The following CNGA2 variants were observed in gnomAD, a reference collection of about 807,000 sequenced individuals.
CNGA2 encodes the protein cyclic nucleotide gated channel subunit alpha 2.
In CNGA2, 22 loss-of-function variants were observed where a neutral mutation model predicts 35.9. That is an observed-to-expected ratio of 0.61 (90% CI 0.44 to 0.88). The LOEUF (loss-of-function observed/expected upper bound fraction) is 0.88, where lower values mean the gene tolerates loss of function less well. Among genes scored for constraint, CNGA2 ranks in the 40% least tolerant of loss-of-function variants. The pLI is 0.00. For synonymous variants in CNGA2, 217 were observed against 209.2 expected (o/e 1.04, Z -0.32); for missense variants, 555 against 530.8 (o/e 1.05, Z -0.45).
chrX:151,737,427 G>T (rs1197174444), intron 1 of CNGA2, among the ~76,000 whole-genome samples: 2 of 111,649 alleles, frequency 1.8e-5, no homozygotes, highest in Admixed American at 9.4e-5. Flanking sequence ...CCACAACTCT[G>T]CCCCAGACCC....
At position 151,743,382 on chromosome X, in the gene CNGA2, T is replaced by C. The variant is rs1417629514; in HGVS notation, c.879T>C (p.Tyr293=). Residue 293 remains tyrosine (Y), a synonymous_variant, in exon 7 of 7, where the codon TAT becomes TAC. Coordinates refer to ENST00000329903, the MANE Select transcript of CNGA2 (RefSeq NM_005140.3). The part of the protein sequence containing the change: ...LVIIHWNACI[Y]YAISKSIGFG... Reference sequence around the variant, plus strand: ...TCATCCACTGGAATGCCTGCATCTATTATGCCATCTCCAAATCCATAGGCT... The same window carrying C: ...TCATCCACTGGAATGCCTGCATCTACTATGCCATCTCCAAATCCATAGGCT... 3 of 1,206,934 alleles carry C rather than the reference T, an allele frequency of 2.5e-6. No homozygotes were observed. The African/African-American group carries it at 5.3e-5, about 22-fold the overall frequency.
chrX:151,739,526 T>C (rs1186330426), intron 3 of CNGA2, 36 bp from the exon 4 acceptor site: 1 of 1,187,295 alleles, frequency 8.4e-7, no homozygotes, highest in East Asian at 3.0e-5. Context: ...GCATGAGTCT[T>C]GGCTCTGGCT....
At chrX:151,741,626 A>G (rs1443544230) in intron 5 of CNGA2, among the ~76,000 whole-genome samples, 1 of 112,567 alleles carries the variant, frequency 8.9e-6, no homozygotes, top group Non-Finnish European at 1.9e-5. Context: ...GAATGATGCC[A>G]GGGCCTGGTG....
At position 151,744,282 on chromosome X, in the gene CNGA2, G is replaced by A; in HGVS notation, c.1779G>A (p.Met593Ile). Reference sequence around the variant, plus strand: ...ATGAGAACGAAGTGGCAACCAGCATGGAGGTCGACGTGCAGGAGAAGCTAG... The same window carrying A: ...ATGAGAACGAAGTGGCAACCAGCATAGAGGTCGACGTGCAGGAGAAGCTAG... ...LLDENEVATSMEVDVQEKLGQ... is the reference protein window; with the variant it reads ...LLDENEVATSIEVDVQEKLGQ... The change falls in exon 7 of 7, where the codon ATG becomes ATA. Residue 593 changes from methionine (M) to isoleucine (I), a missense_variant. By Grantham distance (10) the Met-to-Ile change is conservative. Transcript: ENST00000329903. 4 of 1,210,857 alleles carry A rather than the reference G, an allele frequency of 3.3e-6. No homozygotes were observed. Among genetic ancestry groups the A allele is most frequent in the Non-Finnish European group, 4.5e-6 (4 of 895,276 alleles).
chrX:151,741,351 C>T (rs1434926427), intron 5 of CNGA2, among the ~76,000 whole-genome samples: 1 of 111,935 alleles, frequency 8.9e-6, no homozygotes, highest in African/African-American at 3.3e-5. Context: ...TTCCCTTTCC[C>T]TTCCATTTTC....
rs746377881 is a variant in CNGA2 at position 151,742,659 on chromosome X, G to T, written c.589+17G>T. On this transcript the variant is annotated intron_variant, in intron 6 of 6. Coordinates refer to ENST00000329903, the MANE Select transcript of CNGA2 (RefSeq NM_005140.3). Reference sequence around the variant, plus strand: ...TGCGCACAGGTCAGTGAGCAACTGGGATGCAGGTAAATCCGAAGGCCTGAG... The same window carrying T: ...TGCGCACAGGTCAGTGAGCAACTGGTATGCAGGTAAATCCGAAGGCCTGAG... 8.6e-7 allele frequency: 1 copy of T among 1,164,392 alleles called. No individual in the cohort carries two copies. Among genetic ancestry groups the T allele is most frequent in the Non-Finnish European group, 1.2e-6 (1 of 856,815 alleles).
chrX:151,738,763 T>C (rs1268772476), intron 2 of CNGA2, 24 bp from the exon 3 acceptor site: 1 of 1,151,307 alleles, frequency 8.7e-7, no homozygotes, highest in South Asian at 2.0e-5. Context: ...GAACCCTGGG[T>C]CAATTCTGCT....
chrX:151,742,711 C>A (rs2124370156), intron 6 of CNGA2, 69 bp downstream of exon 6: 2 of 838,622 alleles, frequency 2.4e-6, no homozygotes, highest in South Asian at 4.5e-5. Context: ...GCCCACTGGA[C>A]ATGGTGTTGG....
At chrX:151,737,161 C>CAG (rs2015254870) in intron 1 of CNGA2, among the ~76,000 whole-genome samples, 1 of 111,825 alleles carries the variant, frequency 8.9e-6, no homozygotes, top group Non-Finnish European at 1.9e-5. Flanking sequence ...GGACAGCTTC[C>CAG]GGACTGTGGG....
intron 1 of CNGA2, among the ~76,000 whole-genome samples, chrX:151,736,564 G>A (rs907240738): frequency 9.0e-6 from 1 of 111,273 alleles, no homozygotes; most frequent in African/African-American, 3.3e-5. Context: ...TGACATGATG[G>A]TAGCTGGAGC....
Position 151,744,685 on chromosome X carries a change from G to T in CNGA2, c.*187G>T, listed in dbSNP as rs746772169. The T allele has an allele frequency of 5.3e-4, 223 of 422,347 alleles. No homozygotes were observed. The highest frequency in any genetic ancestry group is 7.6e-4 in the Non-Finnish European group (190 of 250,857). 34.8% of individuals were successfully genotyped at this position (422,347 alleles called of 1,213,427 possible). A position where few individuals can be genotyped will look rare whatever the true frequency, so the allele number is the denominator to read the frequency against. On this transcript the variant is annotated 3_prime_UTR_variant, in exon 7 of 7. Transcript: ENST00000329903. ...CCGCCTCCAAGTTTAGCCCAAGTTT[G>T]TGGAGAGTACAGACTGCGTTGGCTG...
At chrX:151,740,594 C>T (rs1020727211) in intron 4 of CNGA2, among the ~76,000 whole-genome samples, 200 bp from the exon 5 acceptor site, 2 of 112,310 alleles carry the variant, frequency 1.8e-5, no homozygotes, top group Non-Finnish European at 3.8e-5. Flanking sequence ...GGTGCCCCCG[C>T]CCATCTGAGT....
chrX:151,737,171 G>T (rs2015255271), intron 1 of CNGA2, among the ~76,000 whole-genome samples: 1 of 111,852 alleles, frequency 8.9e-6, no homozygotes, highest in African/African-American at 3.3e-5. Flanking sequence ...CGGACTGTGG[G>T]TCCAGCAGCA....
At position 151,740,802 on chromosome X, in the gene CNGA2, T is replaced by C; in HGVS notation, c.383T>C (p.Phe128Ser). 1 of 1,206,489 alleles carries C rather than the reference T, an allele frequency of 8.3e-7. No homozygotes were observed. Among genetic ancestry groups the C allele is most frequent in the Non-Finnish European group, 1.1e-6 (1 of 890,938 alleles). Residue 128 changes from phenylalanine (F) to serine (S), a missense_variant, in exon 5 of 7, where the codon TTT becomes TCT. Physicochemically the swap from Phe to Ser is radical, Grantham distance 155. Transcript: ENST00000329903. ...TTTGTCTGTCTTCTCAGGAAGAAAT[T>C]TGAACTATTTGTCTTGGACCCAGCT... The part of the protein sequence containing the change: ...DGEDKGTKKK[F>S]ELFVLDPAGD...
At chrX:151,742,983 C>CCT (rs2015326198) in intron 6 of CNGA2, 110 bp from the exon 7 acceptor site, 1 of 19,101 alleles carries the variant, frequency 5.2e-5, no homozygotes, top group African/African-American at 2.3e-4. Context: ...TATATATATA[C>CCT]ATATATATGT....
chrX:151,737,949 G>A (rs1479530880), intron 1 of CNGA2, among the ~76,000 whole-genome samples: 3 of 106,420 alleles, frequency 2.8e-5, no homozygotes, highest in African/African-American at 1.0e-4. Flanking sequence ...CCTCACTGGA[G>A]ACCACCTCAG....
rs190647028 is a variant in CNGA2 at position 151,738,038 on chromosome X, G to A, written c.-26-420G>A. The stretch of plus-strand genomic sequence containing the variant: ...TCCTTGCTTGGGCCAGGGCTTTGGG[G>A]CAGTGGCTGCCTTGGAGCTGCTCGG... On this transcript the variant is annotated intron_variant, in intron 1 of 6. Coordinates refer to ENST00000329903, the MANE Select transcript of CNGA2 (RefSeq NM_005140.3). Among the ~76,000 whole-genome samples the A allele has an allele frequency of 4.3e-3, 450 of 103,742 alleles. 3 individuals are homozygous for A. Among genetic ancestry groups the A allele is most frequent in the African/African-American group, 0.015 (428 of 28,677 alleles). The allele number at this position is 103,742 out of a possible 115,157, so 90.1% of individuals were successfully genotyped here. A position where few individuals can be genotyped will look rare whatever the true frequency, so the allele number is the denominator to read the frequency against.
At chrX:151,743,028 G>GTGTGTGTGTGTATA (rs1491122650) in intron 6 of CNGA2, 65 bp from the exon 7 acceptor site, 1 of 8,542 alleles carries the variant, frequency 1.2e-4, no homozygotes, top group African/African-American at 2.9e-4. Context: ...GTATATATAT[G>GTGTGTGTGTGTATA]CACATATATA....
rs1404056129 is a variant in CNGA2, at chrX:151,739,558, C to T, written c.204-4C>T. 8 of 1,208,727 alleles carry T rather than the reference C, an allele frequency of 6.6e-6. No homozygotes were observed. The highest frequency in any genetic ancestry group is 2.2e-5 in the Admixed American group (1 of 45,691). On this transcript the variant is annotated splice_region_variant and splice_polypyrimidine_tract_variant and intron_variant, in intron 3 of 6. Transcript: ENST00000329903. ...GGCTCATACTCTTTTTCTCTCACCTCTAGGATAGTTCGCCTGGTGGGGATC... is the reference window on the plus strand; with the variant it reads ...GGCTCATACTCTTTTTCTCTCACCTTTAGGATAGTTCGCCTGGTGGGGATC...
Sources: allele counts gnomAD v4.1 joint callset (sites outside exome capture counted in the v4.1 genomes callset), GRCh38; gene constraint gnomAD v4.1.1; transcripts MANE v1.5; gene names NCBI Gene and HGNC (gene_info 2026-07-23, HGNC 2026-07-21).